IDH3A: variants seen among roughly 807,000 people sequenced by gnomAD.
IDH3A encodes the protein isocitrate dehydrogenase (NAD(+)) 3 catalytic subunit alpha.
IDH3A carries 23 observed loss-of-function variants against 43.3 expected under a neutral mutation model. The observed-to-expected ratio is 0.53, with a 90% CI of 0.38 to 0.75. The LOEUF (loss-of-function observed/expected upper bound fraction) is 0.75. IDH3A is among the 30% of genes least tolerant of loss of function. The pLI, the probability that IDH3A is intolerant of heterozygous loss-of-function variation, is 0.00. For missense variants in IDH3A, 329 were observed against 474.4 expected (o/e 0.69, Z 2.85); for synonymous variants, 154 against 163.5 (o/e 0.94, Z 0.44).
chr15:78,155,876 T>C (rs1018456662), intron 2 of IDH3A: 5 of 152,252 alleles, frequency 3.3e-5, no homozygotes, highest in Non-Finnish European at 7.3e-5. Flanking sequence ...AGACTGTGGG[T>C]CAGTGACTTC....
At chr15:78,166,092 G>C in intron 9 of IDH3A, 58 bp from the exon 10 acceptor site, 1 of 1,534,922 alleles carries the variant, frequency 6.5e-7, no homozygotes, top group Non-Finnish European at 9.0e-7. Flanking sequence ...AGCTTCCCCA[G>C]AAGAGGACTG....
Position 78,171,447 on chromosome 15 carries a change from C to T in IDH3A, c.*2442C>T, listed in dbSNP as rs773160296. 3.8e-5 allele frequency: 62 copies of T among 1,613,844 alleles called. No homozygotes were observed. Among genetic ancestry groups the T allele is most frequent in the East Asian group, 3.3e-4 (15 of 44,882 alleles). ...AAACTGCAGGCATAGGCCCTGATTA[C>T]ATTTTTTGCTCTTGGTAAAAGGAGT... On this transcript the variant is annotated 3_prime_UTR_variant, in exon 11 of 11. Transcript: ENST00000299518.
intron 2 of IDH3A, chr15:78,155,741 A>G (rs1312558498): frequency 6.4e-6 from 1 of 155,838 alleles, no homozygotes; most frequent in Admixed American, 6.3e-5. Flanking sequence ...TACTTGCCTT[A>G]TATAGGCTTT....
At chr15:78,160,538 C>T (rs888572891) in intron 4 of IDH3A, among the ~76,000 whole-genome samples, 1 of 152,142 alleles carries the variant, frequency 6.6e-6, no homozygotes, top group Non-Finnish European at 1.5e-5. Flanking sequence ...GTTGCCCAGG[C>T]TGGAGTGCAG....
At position 78,156,791 on chromosome 15, in the gene IDH3A, T is replaced by C. The variant is rs1046809858; in HGVS notation, c.91-757T>C. The stretch of plus-strand genomic sequence containing the variant: ...CTGCATTTGAAATGCTGGCTTCGTT[T>C]TGCCTGAAGCCTTAGAATAAATCAT... On this transcript the variant is annotated intron_variant, in intron 2 of 10. Coordinates refer to ENST00000299518, the MANE Select transcript of IDH3A (RefSeq NM_005530.3). The C allele has an allele frequency of 8.3e-6, 6 of 726,920 alleles. No homozygotes were observed. In the African/African-American group the frequency reaches 1.1e-4, roughly 14 times the overall value. 45.0% of individuals were successfully genotyped at this position (726,920 alleles called of 1,614,324 possible). A position where few individuals can be genotyped will look rare whatever the true frequency, so the allele number is the denominator to read the frequency against.
intron 9 of IDH3A, 40 bp downstream of exon 9, chr15:78,165,116 C>A (rs1209793882): frequency 7.9e-7 from 1 of 1,262,844 alleles, no homozygotes; most frequent in South Asian, 1.2e-5. Context: ...CAGGTCAGAA[C>A]AGCGTGTGAA....
At chr15:78,151,591 A>G (rs2074576151) in intron 1 of IDH3A, 3 of 151,888 alleles carry the variant, frequency 2.0e-5, no homozygotes, top group Admixed American at 1.3e-4. Flanking sequence ...TTTTTTTTTA[A>G]AACCCATCTC....
chr15:78,156,532 C>T (rs2074624754), intron 2 of IDH3A, among the ~76,000 whole-genome samples: 2 of 152,222 alleles, frequency 1.3e-5, no homozygotes, highest in South Asian at 2.1e-4. Flanking sequence ...AAAAATGTTT[C>T]TTCAGTTGTA....
intron 3 of IDH3A, among the ~76,000 whole-genome samples, chr15:78,158,351 TGCTA>T (rs1399567419): frequency 1.3e-5 from 2 of 150,148 alleles, no homozygotes. Flanking sequence ...ATGTTCAGTG[TGCTA>T]GCTGTATACA....
chr15:78,150,166 C>A (rs974053309), intron 1 of IDH3A, among the ~76,000 whole-genome samples: 13 of 152,230 alleles, frequency 8.5e-5, no homozygotes, highest in African/African-American at 9.6e-5. Context: ...CTCTCCTTGA[C>A]AGCTCAGATG....
chr15:78,167,697 T>G (rs2074762803), intron 10 of IDH3A: 1 of 152,216 alleles, frequency 6.6e-6, no homozygotes, highest in African/African-American at 2.4e-5. Context: ...CACCTGCCAT[T>G]CTGCTTCCTG....
chr15:78,152,205 C>T (rs1304002947), intron 1 of IDH3A, among the ~76,000 whole-genome samples: 2 of 148,650 alleles, frequency 1.3e-5, no homozygotes, highest in East Asian at 4.0e-4. Context: ...ATTACAGGCA[C>T]CCACCATCAC....
intron 4 of IDH3A, among the ~76,000 whole-genome samples, chr15:78,160,953 C>T (rs1048748647): frequency 6.6e-5 from 10 of 152,200 alleles, no homozygotes; most frequent in African/African-American, 2.4e-4. Flanking sequence ...GTGATCTCGG[C>T]TCACTACAAC....
rs183435811 is a variant in IDH3A, at chr15:78,161,124, C to T, written c.290-457C>T. ...CTTGGACTCCTGACCTCAAGCGATC[C>T]GCCTGCCTTGGCCTCCCAAAGTGTT... On this transcript the variant is annotated intron_variant, in intron 4 of 10. Coordinates refer to ENST00000299518, the MANE Select transcript of IDH3A (RefSeq NM_005530.3). The surrounding 1 kb of genome is among the most constrained non-coding windows in gnomAD (Gnocchi z 4.8). Among the ~76,000 whole-genome samples the T allele has an allele frequency of 2.0e-5, 3 of 152,286 alleles. No homozygotes were observed. Among genetic ancestry groups the T allele is most frequent in the East Asian group, 1.9e-4 (1 of 5,178 alleles).
At chr15:78,157,753 G>A in intron 3 of IDH3A, 122 bp downstream of exon 3, 1 of 621,076 alleles carries the variant, frequency 1.6e-6, no homozygotes, top group South Asian at 2.0e-5. Flanking sequence ...CAGGTCTGTT[G>A]TTAATCTCCA....
chr15:78,157,755 T>C, intron 3 of IDH3A, 124 bp downstream of exon 3: 1 of 623,996 alleles, frequency 1.6e-6, no homozygotes, highest in Non-Finnish European at 2.8e-6. Flanking sequence ...GGTCTGTTGT[T>C]AATCTCCACC....
At chr15:78,159,862 G>T in intron 3 of IDH3A, 1 of 430,446 alleles carries the variant, frequency 2.3e-6, no homozygotes, top group South Asian at 3.0e-5. Flanking sequence ...GGGTGTGGTG[G>T]TGGGCGCCTG....
chr15:78,155,134 C>A, intron 1 of IDH3A, 79 bp from the exon 2 acceptor site: 7 of 955,524 alleles, frequency 7.3e-6, no homozygotes, highest in Non-Finnish European at 1.2e-5. Flanking sequence ...GCATTACCAT[C>A]CATCAGGACT....
chr15:78,165,381 G>A (rs993166713), intron 9 of IDH3A, among the ~76,000 whole-genome samples: 2 of 151,752 alleles, frequency 1.3e-5, no homozygotes, highest in African/African-American at 4.8e-5. Context: ...AGTAGAGATG[G>A]GGTTTCACCA....
Sources: gnomAD v4.1 joint callset for allele counts (sites outside exome capture counted in the v4.1 genomes callset) on GRCh38, gnomAD v4.1.1 for gene constraint, Gnocchi (gnomAD v3.1) non-coding constraint, MANE v1.5 for transcripts, NCBI Gene and HGNC (gene_info 2026-07-23, HGNC 2026-07-21) for gene names.